Variants in ERG observed in about 807,000 individuals in gnomAD.
ERG encodes transcriptional regulator ERG.
ERG carries 9 observed loss-of-function variants against 55.3 expected under a neutral mutation model. The observed-to-expected ratio is 0.16, with a 90% CI of 0.10 to 0.28. ERG has a LOEUF of 0.28. Ranked by LOEUF, ERG falls within the 10% of genes least tolerant of loss-of-function variation. ERG has a pLI of 1.00. For synonymous variants in ERG, 223 were observed against 237.3 expected, an observed-to-expected ratio of 0.94 and a Z score of 0.55; for missense variants, 434 against 631.6, an observed-to-expected ratio of 0.69 and a Z score of 3.35.
chr21:38,414,600 T>C (rs1310682661), intron 3 of ERG, among the ~76,000 whole-genome samples: 1 of 152,180 alleles, frequency 6.6e-6, no homozygotes, highest in East Asian at 1.9e-4. Flanking sequence ...TAGGAATTAT[T>C]ATCATCCATA....
At chr21:38,368,198 A>G in the ERG span, among the ~76,000 whole-genome samples, 3 of 152,080 alleles carry the variant, frequency 2.0e-5, no homozygotes, top group East Asian at 1.9e-4. Context: ...GGTAATCACT[A>G]TCTTGGCTTT....
At position 38,418,881 on chromosome 21, in the gene ERG, C is replaced by T. The variant is rs186443324; in HGVS notation, c.388+4529G>A. 5.3e-3 allele frequency among the ~76,000 whole-genome samples: 733 copies of T among 138,412 alleles called. 4 individuals carry two copies. The highest frequency in any genetic ancestry group is 0.013 in the Middle Eastern group (3 of 238). The allele number at this position is 138,412 out of a possible 152,430, so 90.8% of individuals were successfully genotyped here. ...GGCAGAGGTTGCAGTGAGCTGAGAT[C>T]CTGCCATTGCAATTCAGTCTGGGGA... On this transcript the variant is annotated intron_variant, in intron 3 of 9. Coordinates refer to ENST00000288319, the MANE Select transcript of ERG (RefSeq NM_182918.4).
intron 2 of ERG, among the ~76,000 whole-genome samples, chr21:38,440,168 G>A (rs767639859): frequency 1.3e-5 from 2 of 152,238 alleles, no homozygotes; most frequent in Non-Finnish European, 2.9e-5. Flanking sequence ...TTATGCATAA[G>A]CTAAGAGGAG....
chr21:38,508,424 C>T (rs954898519), intron 2 of ERG, among the ~76,000 whole-genome samples: 5 of 152,012 alleles, frequency 3.3e-5, no homozygotes, highest in East Asian at 1.9e-4. Context: ...GCTGTAAGAA[C>T]GAATGAATGA....
chr21:38,397,434 C>T (rs768042258), intron 6 of ERG, among the ~76,000 whole-genome samples: 2 of 151,638 alleles, frequency 1.3e-5, no homozygotes, highest in Non-Finnish European at 2.9e-5. Context: ...CCTATCTCTA[C>T]TAAAAATACA....
chr21:38,464,723 AC>A (rs368088371), intron 1 of ERG, among the ~76,000 whole-genome samples: 60 of 149,778 alleles, frequency 4.0e-4, no homozygotes, highest in African/African-American at 1.4e-3. Context: ...CTACCCTCCT[AC>A]CCCCCGAGAG....
chr21:38,575,711 A>G (rs770520811), exon 2 of ERG: 2 of 1,614,078 alleles, frequency 1.2e-6, no homozygotes, highest in South Asian at 2.2e-5. Context: ...GTCCTTCAGT[A>G]AGCCAGCCCA....
At chr21:38,604,917 A>T (rs192484526) in intron 1 of ERG, among the ~76,000 whole-genome samples, 100 of 152,352 alleles carry the variant, frequency 6.6e-4, no homozygotes, top group African/African-American at 2.1e-3. Context: ...CAGAAAGTGT[A>T]CTTATTATAG....
chr21:38,451,096 C>A (rs370382959), intron 1 of ERG: 152 of 456,524 alleles, frequency 3.3e-4, no homozygotes, highest in African/African-American at 2.9e-3. Flanking sequence ...CCTGCTCTTG[C>A]CATGAGAGAT....
upstream of ERG, among the ~76,000 whole-genome samples, chr21:38,501,061 CT>C (rs34639260): frequency 0.16 from 13,372 of 81,484 alleles, 288 homozygotes; most frequent in Non-Finnish European, 0.21. Context: ...CAAGGCACAT[CT>C]TTTTTTTTTT....
chr21:38,658,158 G>A (rs925964293), intron 1 of ERG, among the ~76,000 whole-genome samples: 4 of 152,320 alleles, frequency 2.6e-5, no homozygotes, highest in African/African-American at 9.6e-5. Flanking sequence ...CCTGCTCTCT[G>A]GAAAACTGCT....
chr21:38,578,735 C>A (rs150844773), intron 1 of ERG, among the ~76,000 whole-genome samples: 1 of 152,180 alleles, frequency 6.6e-6, no homozygotes, highest in East Asian at 1.9e-4. Flanking sequence ...CCAGACCAGC[C>A]GCTAGCCAAG....
At chr21:38,546,858 C>T (rs988321592) in intron 2 of ERG, among the ~76,000 whole-genome samples, 5 of 152,200 alleles carry the variant, frequency 3.3e-5, no homozygotes, top group African/African-American at 9.7e-5. Context: ...TTGATCTCCT[C>T]GTTGACCTCC....
intron 2 of ERG, among the ~76,000 whole-genome samples, chr21:38,444,772 A>C (rs967593266): frequency 3.0e-4 from 45 of 150,974 alleles, no homozygotes; most frequent in Non-Finnish European, 5.3e-4. Flanking sequence ...AGAGGACCGC[A>C]GAGATCAGAG....
In ERG at chr21:38,498,455, T is replaced by A; in HGVS notation, c.-75A>T. 1 of 1,584,000 alleles carries A rather than the reference T, an allele frequency of 6.3e-7. No homozygotes were observed. Among genetic ancestry groups the A allele is most frequent in the Non-Finnish European group, 8.6e-7 (1 of 1,166,622 alleles). The stretch of plus-strand genomic sequence containing the variant: ...CTTCTCTCTGACCAGAAAGTAGTTT[T>A]GATGAGGTTGTTTAGAGCGGATGAG... On this transcript the variant is annotated 5_prime_UTR_variant, in exon 1 of 10. Coordinates refer to ENST00000288319, the MANE Select transcript of ERG (RefSeq NM_182918.4). The surrounding 1 kb of genome is among the most constrained non-coding windows in gnomAD (Gnocchi z 4.6).
At chr21:38,579,981 T>C (rs1413461264) in intron 1 of ERG, among the ~76,000 whole-genome samples, 1 of 151,948 alleles carries the variant, frequency 6.6e-6, no homozygotes, top group Non-Finnish European at 1.5e-5. Flanking sequence ...CCACCACGCC[T>C]GGCTAATTTT....
intron 2 of ERG, among the ~76,000 whole-genome samples, chr21:38,509,875 T>C (rs911961164): frequency 6.6e-6 from 1 of 152,160 alleles, no homozygotes; most frequent in Non-Finnish European, 1.5e-5. Context: ...TCTGAAACAT[T>C]AGCTCCTAGA....
At chr21:38,459,284 G>C (rs569161444) in intron 1 of ERG, among the ~76,000 whole-genome samples, 17 of 152,310 alleles carry the variant, frequency 1.1e-4, no homozygotes, top group African/African-American at 3.6e-4. Context: ...GTCATTACTG[G>C]ATGATAATTA....
At chr21:38,489,047 C>G (rs1386764296) in intron 1 of ERG, among the ~76,000 whole-genome samples, 1 of 152,198 alleles carries the variant, frequency 6.6e-6, no homozygotes, top group Non-Finnish European at 1.5e-5. Flanking sequence ...GAAGTTTCCA[C>G]TGGGAGCCCT....
Sources: allele counts gnomAD v4.1 joint callset (sites outside exome capture counted in the v4.1 genomes callset), GRCh38; gene constraint gnomAD v4.1.1; non-coding constraint Gnocchi (gnomAD v3.1); transcripts MANE v1.5; gene names NCBI Gene and HGNC (gene_info 2026-07-23, HGNC 2026-07-21).